The following ATP9B variants were observed in gnomAD, a reference collection of about 807,000 sequenced individuals.
The protein encoded by ATP9B is probable phospholipid-transporting ATPase IIB.
In ATP9B, 110 loss-of-function variants were observed where a neutral mutation model predicts 146.1. The observed-to-expected ratio is 0.75, with a 90% CI of 0.65 to 0.88. The LOEUF (loss-of-function observed/expected upper bound fraction) is 0.88. Ranked by LOEUF, ATP9B falls within the 40% of genes least tolerant of loss-of-function variation. ATP9B has a pLI of 0.00. For missense variants in ATP9B, 1,499 were observed against 1,496.4 expected (o/e 1.00, Z -0.03); for synonymous variants, 604 against 569.7 (o/e 1.06, Z -0.86).
intron 2 of ATP9B, among the ~76,000 whole-genome samples, chr18:79,105,885 CT>C (rs1434710709): frequency 2.0e-5 from 3 of 152,116 alleles, no homozygotes; most frequent in African/African-American, 7.2e-5. Flanking sequence ...CATTGTGTTG[CT>C]TTTAAATTGG....
At chr18:79,158,896 G>A (rs1447838271) in intron 7 of ATP9B, among the ~76,000 whole-genome samples, 2 of 152,004 alleles carry the variant, frequency 1.3e-5, no homozygotes, top group Admixed American at 6.6e-5. Flanking sequence ...CTTCTATCTA[G>A]TTGTCCTATC....
At chr18:79,371,806 TTCC>T (rs1462931002) in intron 26 of ATP9B, among the ~76,000 whole-genome samples, 3 of 152,232 alleles carry the variant, frequency 2.0e-5, no homozygotes, top group African/African-American at 4.8e-5. Flanking sequence ...TTTAAACCAC[TTCC>T]TGTCCTTAGG....
At chr18:79,234,918 G>A (rs1397402288) in intron 11 of ATP9B, among the ~76,000 whole-genome samples, 1 of 152,118 alleles carries the variant, frequency 6.6e-6, no homozygotes, top group East Asian at 1.9e-4. Context: ...TGTCACCCAG[G>A]CTGGAGTTCA....
chr18:79,113,729 A>G (rs1242058323), intron 4 of ATP9B, among the ~76,000 whole-genome samples: 1 of 152,230 alleles, frequency 6.6e-6, no homozygotes, highest in Non-Finnish European at 1.5e-5. Flanking sequence ...CACCCTGACC[A>G]TGGTGAGCAT....
chr18:79,325,421 G>T (rs1396735310), intron 15 of ATP9B, among the ~76,000 whole-genome samples: 4 of 152,084 alleles, frequency 2.6e-5, no homozygotes, highest in African/African-American at 9.7e-5. Context: ...ACTTTACTTT[G>T]TAAACTTCTT....
chr18:79,256,284 T>TATACATAC (rs1210205878), intron 12 of ATP9B, among the ~76,000 whole-genome samples: 2 of 122,890 alleles, frequency 1.6e-5, no homozygotes, highest in Non-Finnish European at 3.7e-5. Context: ...TATATATATA[T>TATACATAC]ATACATACAT....
chr18:79,339,074 CA>C (rs2096842411), intron 19 of ATP9B, among the ~76,000 whole-genome samples: 1 of 152,148 alleles, frequency 6.6e-6, no homozygotes, highest in African/African-American at 2.4e-5. Context: ...GGAAGTATGT[CA>C]TGTTCGCAGT....
chr18:79,224,908 C>T (rs960833178), intron 11 of ATP9B, among the ~76,000 whole-genome samples: 2 of 150,952 alleles, frequency 1.3e-5, no homozygotes, highest in Non-Finnish European at 2.9e-5. Context: ...CAAGTGCAGC[C>T]TTCCCACTGG....
chr18:79,125,057 C>T (rs940076954), intron 4 of ATP9B, among the ~76,000 whole-genome samples: 1 of 152,124 alleles, frequency 6.6e-6, no homozygotes, highest in African/African-American at 2.4e-5. Flanking sequence ...TGGGAAGTTT[C>T]GTGAGATGGT....
intron 13 of ATP9B, among the ~76,000 whole-genome samples, chr18:79,279,905 A>G (rs1398872112): frequency 6.6e-6 from 1 of 152,208 alleles, no homozygotes; most frequent in East Asian, 1.9e-4. Context: ...CACTTGGTAA[A>G]ACACATTTTG....
intron 2 of ATP9B, among the ~76,000 whole-genome samples, chr18:79,098,665 A>T (rs980964873): frequency 1.4e-4 from 22 of 152,356 alleles, no homozygotes; most frequent in African/African-American, 5.3e-4. Context: ...TAGTACAGTT[A>T]TCAAATTCAG....
chr18:79,085,016 AAAAG>A (rs959000950), intron 1 of ATP9B: 1 of 152,192 alleles, frequency 6.6e-6, no homozygotes, highest in African/African-American at 2.4e-5. Flanking sequence ...AAAAAAAAAA[AAAAG>A]GTTTAATTGG....
At chr18:79,073,555 T>G (rs1057261563) in intron 1 of ATP9B, among the ~76,000 whole-genome samples, 1 of 152,128 alleles carries the variant, frequency 6.6e-6, no homozygotes, top group South Asian at 2.1e-4. Flanking sequence ...GCAGGGAGGT[T>G]GCAGTGAGCC....
intron 12 of ATP9B, among the ~76,000 whole-genome samples, chr18:79,276,177 G>T (rs1488961697): frequency 6.6e-6 from 1 of 152,214 alleles, no homozygotes; most frequent in African/African-American, 2.4e-5. Context: ...AGCCGCATGA[G>T]CAGAGCCTGC....
chr18:79,354,911 C>T (rs371256901), intron 25 of ATP9B, among the ~76,000 whole-genome samples: 1 of 152,206 alleles, frequency 6.6e-6, no homozygotes, highest in Non-Finnish European at 1.5e-5. Context: ...TTCAGATGAT[C>T]GTCACTCTAC....
chr18:79,344,165 C>T (rs2096873493), intron 20 of ATP9B, 100 bp from the exon 21 acceptor site: 1 of 1,125,824 alleles, frequency 8.9e-7, no homozygotes, highest in African/African-American at 1.5e-5. Context: ...ATAATAACCC[C>T]AGAACATTCC....
At position 79,372,819 on chromosome 18, in the gene ATP9B, C is replaced by G. The variant is rs781075881; in HGVS notation, c.3013-6C>G. ...CACTAACGACGCTCTTCCACTGTTT[C>G]CCTAGGGAAGATCCTTGTCCTTCAA... On this transcript the variant is annotated splice_polypyrimidine_tract_variant and splice_region_variant and intron_variant, in intron 26 of 29. Transcript: ENST00000426216. 5.0e-6 allele frequency: 8 copies of G among 1,603,410 alleles called. No homozygotes were observed. Among genetic ancestry groups the G allele is most frequent in the African/African-American group, 1.3e-5 (1 of 74,668 alleles).
intron 11 of ATP9B, among the ~76,000 whole-genome samples, chr18:79,230,250 C>T (rs904871216): frequency 5.9e-5 from 9 of 152,092 alleles, no homozygotes; most frequent in South Asian, 4.1e-4. Context: ...AAAGCACATC[C>T]GGATTGGTAA....
At chr18:79,367,096 G>A (rs925980468) in intron 26 of ATP9B, among the ~76,000 whole-genome samples, 23 of 141,072 alleles carry the variant, frequency 1.6e-4, no homozygotes, top group African/African-American at 6.2e-4. Flanking sequence ...CAGAGAAAGT[G>A]CCTCCTCAAC....
Sources: allele counts gnomAD v4.1 joint callset (sites outside exome capture counted in the v4.1 genomes callset), GRCh38; gene constraint gnomAD v4.1.1; transcripts MANE v1.5; gene names NCBI Gene and HGNC (gene_info 2026-07-23, HGNC 2026-07-21).